TRUB2: variants seen among roughly 807,000 people sequenced by gnomAD.
The protein encoded by TRUB2 is TruB pseudouridine synthase family member 2, also known as pseudouridylate synthase TRUB2, mitochondrial.
In TRUB2, 31 loss-of-function variants were observed where a neutral mutation model predicts 31.9. The ratio of observed to expected loss-of-function variants is 0.97; its 90% CI spans 0.73 to 1.31. The LOEUF (loss-of-function observed/expected upper bound fraction) is 1.31. Ranked by LOEUF, TRUB2 falls within the 50% of genes most tolerant of loss-of-function variation. The pLI is 0.00. For synonymous variants in TRUB2, 201 were observed against 182.6 expected, an observed-to-expected ratio of 1.10 and a Z score of -0.81; for missense variants, 451 against 439.6, an observed-to-expected ratio of 1.03 and a Z score of -0.23.
rs781349931 is a variant in TRUB2 at position 128,313,799 on chromosome 9, G to C, written c.460+9C>G. ...GAGGGAGGCAGCGGCAGCCACTTCC[G>C]GTTCTCACCATAGGTTGTCTTCTCT... On this transcript the variant is annotated intron_variant, in intron 5 of 7. Transcript: ENST00000372890. 5.0e-6 allele frequency: 8 copies of C among 1,613,690 alleles called. No homozygotes were observed. The highest frequency in any genetic ancestry group is 2.7e-5 in the African/African-American group (2 of 74,914).
In TRUB2 at chr9:128,315,626, G is replaced by C. The variant is rs1262149396; in HGVS notation, c.319C>G (p.Leu107Val). The stretch of plus-strand genomic sequence containing the variant: ...AGCCTGCATCCATGTCCCACGCCGA[G>C]CACTGAAAAGCAGCCAGCGTCATCT... ...LDAQASGVLV[L>V]GVGHGCRLLT... Residue 107 changes from leucine to valine, a missense_variant and splice_region_variant, in exon 4 of 8, where the codon CTC (leucine) becomes GTC (valine). By Grantham distance (32) the Leu-to-Val change is conservative (BLOSUM62 1). Coordinates refer to ENST00000372890, the MANE Select transcript of TRUB2 (RefSeq NM_015679.3). The C allele has an allele frequency of 6.2e-7, 1 of 1,613,132 alleles. No homozygotes were observed. The highest frequency in any genetic ancestry group is 2.2e-5 in the East Asian group (1 of 44,848).
rs772882924 is a variant in TRUB2 at position 128,313,825 on chromosome 9, A to G, written c.443T>C (p.Val148Ala). 15 of 1,614,072 alleles carry G rather than the reference A, an allele frequency of 9.3e-6. No homozygotes were observed. Among genetic ancestry groups the G allele is most frequent in the Admixed American group, 5.0e-5 (3 of 60,002 alleles). ...GTTCTCACCATAGGTTGTCTTCTCT[A>G]CCAGCCTCCCGTCCTCACGGAAGTC... is the stretch of plus-strand genomic sequence containing the variant. ...TDDFREDGRLVEKTTYDHVTR... is the reference protein window; with the variant it reads ...TDDFREDGRLAEKTTYDHVTR... The change falls in exon 5 of 8, where the codon GTA becomes GCA. Residue 148 changes from valine (V) to alanine (A), a missense_variant. Val to Ala is a moderately conservative substitution (Grantham distance 64). Transcript: ENST00000372890.
At position 128,321,642 on chromosome 9, in the gene TRUB2, G is replaced by A. The variant is rs1465589027; in HGVS notation, c.198C>T (p.Thr66=). The A allele has an allele frequency of 1.9e-6, 3 of 1,614,046 alleles. No individual in the cohort carries two copies. Among genetic ancestry groups the A allele is most frequent in the East Asian group, 2.2e-5 (1 of 44,888 alleles). Residue 66 remains threonine, a synonymous_variant, in exon 2 of 8, where the codon ACC becomes ACT. Transcript: ENST00000372890. ...PMEGSEEKEL[T]LTATSVPSFI... Reference sequence around the variant, plus strand: ...AAGAGGGTACGCTGGTGGCTGTGAGGGTCAGCTCCTTCTCTTCGCTGCCTT... The same window carrying A: ...AAGAGGGTACGCTGGTGGCTGTGAGAGTCAGCTCCTTCTCTTCGCTGCCTT...
chr9:128,309,538 C>T lies in TRUB2; in HGVS notation c.*12G>A. ...ATTTATCCATCCACTGCCCCAGGAG[C>T]TGCCTGGGCATTCACTGCCCCGCAC... On this transcript the variant is annotated 3_prime_UTR_variant, in exon 8 of 8. Transcript: ENST00000372890. 6.3e-7 allele frequency: 1 copy of T among 1,598,164 alleles called. No individual in the cohort carries two copies. Among genetic ancestry groups the T allele is most frequent in the South Asian group, 1.1e-5 (1 of 90,632 alleles).
In TRUB2 at chr9:128,313,861, T is replaced by C. The variant is rs765062670; in HGVS notation, c.407A>G (p.Lys136Arg). The C allele has an allele frequency of 2.5e-6, 4 of 1,614,206 alleles. No homozygotes were observed. In the Admixed American group the frequency reaches 5.0e-5, roughly 20 times the overall value. ...KDYTVRGLLG[K>R]ATDDFREDGR... The stretch of plus-strand genomic sequence containing the variant: ...GTCCTCACGGAAGTCATCTGTAGCT[T>C]TGCCCAGGAGGCCACGCACTGTGTA... Residue 136 changes from lysine to arginine, a missense_variant, in exon 5 of 8, where the codon AAA (lysine) becomes AGA (arginine). Transcript: ENST00000372890.
At chr9:128,319,882 G>A (rs112747639) in intron 2 of TRUB2, among the ~76,000 whole-genome samples, 30 of 148,096 alleles carry the variant, frequency 2.0e-4, no homozygotes, top group Admixed American at 3.4e-4. Context: ...GCCTCCCAAA[G>A]TGCAGCGATT....
chr9:128,313,759 G>C, intron 5 of TRUB2, 49 bp downstream of exon 5: 1 of 1,569,386 alleles, frequency 6.4e-7, no homozygotes. Flanking sequence ...AGAGGACTCA[G>C]GGAAAGCAAA....
At chr9:128,312,975 G>C (rs1028565824) in intron 5 of TRUB2, among the ~76,000 whole-genome samples, 1 of 151,978 alleles carries the variant, frequency 6.6e-6, no homozygotes, top group Non-Finnish European at 1.5e-5. Context: ...CAGCACTTTG[G>C]GAGGCCGAGG....
rs1029577681 is a variant in TRUB2, at chr9:128,311,670, C to T, written c.461-69G>A. Reference sequence around the variant, plus strand: ...TATTGGTCACAGCAAACTCCTTCCCCCCAGGCCAGCCCCATCCCTGGAACA... The same window carrying T: ...TATTGGTCACAGCAAACTCCTTCCCTCCAGGCCAGCCCCATCCCTGGAACA... On this transcript the variant is annotated intron_variant, in intron 5 of 7. Transcript: ENST00000372890. The T allele has an allele frequency of 5.3e-6, 8 of 1,519,838 alleles. No individual in the cohort carries two copies. The African/African-American group carries it at 9.6e-5, about 18-fold the overall frequency. The allele number at this position is 1,519,838 out of a possible 1,614,324, so 94.1% of individuals were successfully genotyped here. A position where few individuals can be genotyped will look rare whatever the true frequency, so the allele number is the denominator to read the frequency against.
rs117702341 is a variant in TRUB2, at chr9:128,313,585, G to A, written c.460+223C>T. ...GAAAAGGAAAAGGTCAAAGACTGACGAGATGGAGAGAAACTAGAGTCTTTG... is the reference window on the plus strand; with the variant it reads ...GAAAAGGAAAAGGTCAAAGACTGACAAGATGGAGAGAAACTAGAGTCTTTG... On this transcript the variant is annotated intron_variant, in intron 5 of 7. Transcript: ENST00000372890. 3.7e-3 allele frequency among the ~76,000 whole-genome samples: 559 copies of A among 151,802 alleles called. 17 individuals carry two copies. In the East Asian group the frequency reaches 0.084, roughly 23 times the overall value.
At chr9:128,319,878 C>T (rs1832132275) in intron 2 of TRUB2, among the ~76,000 whole-genome samples, 1 of 149,826 alleles carries the variant, frequency 6.7e-6, no homozygotes, top group South Asian at 2.1e-4. Context: ...CTTGGCCTCC[C>T]AAAGTGCAGC....
At chr9:128,311,450 C>A in intron 6 of TRUB2, 79 bp downstream of exon 6, 1 of 1,390,842 alleles carries the variant, frequency 7.2e-7, no homozygotes, top group Non-Finnish European at 1.0e-6. Context: ...TCCATGGAAT[C>A]TGCCCCAGGT....
chr9:128,311,503 A>C (rs780179280), intron 6 of TRUB2, 26 bp downstream of exon 6: 36 of 1,613,020 alleles, frequency 2.2e-5, no homozygotes, highest in Non-Finnish European at 3.0e-5. Context: ...CTGCTCTCCC[A>C]GTACCTCCCT....
intron 4 of TRUB2, among the ~76,000 whole-genome samples, chr9:128,314,694 G>A (rs1832037850): frequency 6.6e-6 from 1 of 152,116 alleles, no homozygotes; most frequent in South Asian, 2.1e-4. Context: ...GCCTCCCAAA[G>A]TGGCAGGAGC....
At chr9:128,319,920 CTT>C (rs532566965) in intron 2 of TRUB2, among the ~76,000 whole-genome samples, 2 of 129,654 alleles carry the variant, frequency 1.5e-5, no homozygotes, top group Non-Finnish European at 3.3e-5. Flanking sequence ...CACCTGGCCA[CTT>C]TTTTTTTTTT....
At position 128,308,493 on chromosome 9, in the gene TRUB2, C is replaced by T. The variant is rs1015009162; in HGVS notation, c.*1057G>A. On this transcript the variant is annotated 3_prime_UTR_variant, in exon 8 of 8. Transcript: ENST00000372890. Reference sequence around the variant, plus strand: ...AGGTTGCAGTGAGCCTAGATCGCACCACTGCACTCCAGCCTGGGCCACAAA... The same window carrying T: ...AGGTTGCAGTGAGCCTAGATCGCACTACTGCACTCCAGCCTGGGCCACAAA... 1.3e-5 allele frequency: 2 copies of T among 151,996 alleles called. No homozygotes were observed. The highest frequency in any genetic ancestry group is 4.8e-5 in the African/African-American group (2 of 41,364). The allele number at this position is 151,996 out of a possible 1,614,324, so 9.4% of individuals were successfully genotyped here. A position where few individuals can be genotyped will look rare whatever the true frequency, so the allele number is the denominator to read the frequency against.
chr9:128,311,440 T>C lies in TRUB2; in HGVS notation c.533+89A>G, dbSNP rs1476566617. 2.3e-6 allele frequency: 3 copies of C among 1,305,272 alleles called. No individual in the cohort carries two copies. The African/African-American group carries it at 4.4e-5, about 19-fold the overall frequency. The allele number at this position is 1,305,272 out of a possible 1,614,324, so 80.9% of individuals were successfully genotyped here. A position where few individuals can be genotyped will look rare whatever the true frequency, so the allele number is the denominator to read the frequency against. On this transcript the variant is annotated intron_variant, in intron 6 of 7. Coordinates refer to ENST00000372890, the MANE Select transcript of TRUB2 (RefSeq NM_015679.3). ...CTGGTTCTGGGCTCTAAAAACAAGATCCATGGAATCTGCCCCAGGTTTGGG... is the reference window on the plus strand; with the variant it reads ...CTGGTTCTGGGCTCTAAAAACAAGACCCATGGAATCTGCCCCAGGTTTGGG...
Position 128,308,670 on chromosome 9 carries a change from C to CGGCCAGGTG in TRUB2, c.*871_*879dup, listed in dbSNP as rs1831908947. The CGGCCAGGTG allele has an allele frequency of 6.6e-6, 1 of 151,154 alleles. No individual in the cohort carries two copies. Among genetic ancestry groups the CGGCCAGGTG allele is most frequent in the African/African-American group, 2.4e-5 (1 of 41,116 alleles). The allele number at this position is 151,154 out of a possible 1,614,324, so 9.4% of individuals were successfully genotyped here. ...CCTTTAAGAGAAAAGACTGAGGTCCCGGCCAGGTGCGGTGGCTCACGCCTG... is the reference window on the plus strand; with the variant it reads ...CCTTTAAGAGAAAAGACTGAGGTCCCGGCCAGGTGGGCCAGGTGCGGTGGCTCACGCCTG... On this transcript the variant is annotated 3_prime_UTR_variant, in exon 8 of 8. Coordinates refer to ENST00000372890, the MANE Select transcript of TRUB2 (RefSeq NM_015679.3).
chr9:128,317,532 G>T (rs913491120), intron 2 of TRUB2, among the ~76,000 whole-genome samples: 1 of 152,220 alleles, frequency 6.6e-6, no homozygotes, highest in Admixed American at 6.5e-5. Flanking sequence ...GCTCTACTGA[G>T]GAAGAGTCCC....
Sources: gnomAD v4.1 joint callset for allele counts (sites outside exome capture counted in the v4.1 genomes callset) on GRCh38, gnomAD v4.1.1 for gene constraint, MANE v1.5 for transcripts, NCBI Gene and HGNC (gene_info 2026-07-23, HGNC 2026-07-21) for gene names.